Variants in DIP2C observed in about 807,000 individuals in gnomAD.
The protein encoded by DIP2C is disco-interacting protein 2 homolog C.
Under a neutral mutation model 192.4 loss-of-function variants are expected in DIP2C, and 33 were observed. The ratio of observed to expected loss-of-function variants is 0.17; its 90% CI spans 0.13 to 0.23. DIP2C has a LOEUF of 0.23. Among genes scored for constraint, DIP2C ranks in the 10% least tolerant of loss-of-function variants. The pLI, the probability that DIP2C is intolerant of heterozygous loss-of-function variation, is 1.00. For synonymous variants in DIP2C, 979 were observed against 864.1 expected (o/e 1.13, Z -2.33); for missense variants, 1,537 against 2,110.1 (o/e 0.73, Z 5.32).
At chr10:559,043 G>C (rs1849056640) in intron 1 of DIP2C, among the ~76,000 whole-genome samples, 1 of 152,158 alleles carries the variant, frequency 6.6e-6, no homozygotes, top group African/African-American at 2.4e-5. Flanking sequence ...GGTTTTCAAG[G>C]TCTTGCAAGT....
intron 1 of DIP2C, among the ~76,000 whole-genome samples, chr10:619,272 AAAC>A (rs1412248093): frequency 6.6e-6 from 1 of 152,194 alleles, no homozygotes; most frequent in African/African-American, 2.4e-5. Flanking sequence ...TTAGTGCCCC[AAAC>A]AACACGAACT....
At chr10:439,375 G>A (rs7068861) in intron 4 of DIP2C, among the ~76,000 whole-genome samples, 22 of 115,870 alleles carry the variant, frequency 1.9e-4, no homozygotes, top group African/African-American at 1.1e-3. Context: ...TCTCTTGCCC[G>A]CTGGCACTGT....
rs41285617 is a variant in DIP2C at position 275,677 on chromosome 10, C to T, written c.*1648G>A. ...CACCGAGAGCCACTGCGGGGTCACA[C>T]TGGGGCAGTTACAGAACACATCTTT... On this transcript the variant is annotated 3_prime_UTR_variant, in exon 37 of 37. Transcript: ENST00000280886. 3,768 of 152,198 alleles carry T rather than the reference C, an allele frequency of 0.025. 67 individuals carry two copies. Among genetic ancestry groups the T allele is most frequent in the Non-Finnish European group, 0.038 (2,615 of 68,018 alleles). The allele number at this position is 152,198 out of a possible 1,614,324, so 9.4% of individuals were successfully genotyped here.
intron 29 of DIP2C, among the ~76,000 whole-genome samples, chr10:330,978 ATTTTTT>A (rs34830576): frequency 2.0e-5 from 2 of 100,348 alleles, no homozygotes; most frequent in African/African-American, 7.5e-5. Context: ...TGCCTGGCTA[ATTTTTT>A]TTTTTTTTTT....
intron 3 of DIP2C, among the ~76,000 whole-genome samples, chr10:459,606 CCACAG>C: frequency 6.7e-6 from 1 of 149,424 alleles, no homozygotes; most frequent in South Asian, 2.1e-4. Flanking sequence ...CTAGGATCTT[CCACAG>C]CCACATCAGG....
At position 651,710 on chromosome 10, in the gene DIP2C, T is replaced by C. The variant is rs147311333; in HGVS notation, c.85+37784A>G. The C allele has an allele frequency of 2.9e-3, 1,006 of 348,118 alleles. 12 individuals are homozygous for C. The highest frequency in any genetic ancestry group is 0.02 in the African/African-American group (934 of 46,678). The allele number at this position is 348,118 out of a possible 1,614,324, so 21.6% of individuals were successfully genotyped here. ...CAAAATCTGGACTTTTGCTAAATGGTGCCCTTAGCACAGGAGTCTCTCCAA... is the reference window on the plus strand; with the variant it reads ...CAAAATCTGGACTTTTGCTAAATGGCGCCCTTAGCACAGGAGTCTCTCCAA... On this transcript the variant is annotated intron_variant, in intron 1 of 36. Transcript: ENST00000280886. This position sits in a 1 kb window ranked among gnomAD's most constrained non-coding sequence, Gnocchi z 4.1.
intron 1 of DIP2C, among the ~76,000 whole-genome samples, chr10:532,716 GGT>G (rs1199479601): frequency 9.3e-6 from 1 of 107,110 alleles, no homozygotes; most frequent in Non-Finnish European, 2.2e-5. Flanking sequence ...AGAGAGTATG[GGT>G]GTGAGAGAGA....
At chr10:467,502 G>A (rs1357959856) in intron 3 of DIP2C, among the ~76,000 whole-genome samples, 1 of 140,758 alleles carries the variant, frequency 7.1e-6, no homozygotes, top group African/African-American at 2.7e-5. Context: ...TGCACAATGT[G>A]CACATGTACC....
intron 31 of DIP2C, among the ~76,000 whole-genome samples, 161 bp downstream of exon 31, chr10:326,845 T>A (rs900187238): frequency 1.3e-5 from 2 of 152,022 alleles, no homozygotes; most frequent in African/African-American, 4.8e-5. Flanking sequence ...GACTGTAGTT[T>A]AAAGAAACAG....
intron 1 of DIP2C, among the ~76,000 whole-genome samples, chr10:563,892 C>T (rs1047070016): frequency 1.8e-4 from 27 of 152,178 alleles, no homozygotes; most frequent in African/African-American, 6.0e-4. Flanking sequence ...TTCCTTAGTT[C>T]TTAATGTGTC....
At chr10:448,466 C>G (rs1195797418) in intron 3 of DIP2C, among the ~76,000 whole-genome samples, 3 of 134,274 alleles carry the variant, frequency 2.2e-5, no homozygotes, top group Admixed American at 7.5e-5. Context: ...ACCCACTCAT[C>G]CCCGTCTATA....
intron 3 of DIP2C, among the ~76,000 whole-genome samples, chr10:446,147 C>T (rs969348221): frequency 1.4e-5 from 2 of 141,682 alleles, no homozygotes; most frequent in South Asian, 2.3e-4. Flanking sequence ...AGAGTCTCAC[C>T]GTTCACTAGG....
At chr10:547,786 G>A (rs1324609653) in intron 1 of DIP2C, among the ~76,000 whole-genome samples, 3 of 152,032 alleles carry the variant, frequency 2.0e-5, no homozygotes, top group East Asian at 1.9e-4. Context: ...TCTCAGTCAC[G>A]TCCCCTCTCT....
At chr10:607,045 C>A (rs2131735636) in intron 1 of DIP2C, among the ~76,000 whole-genome samples, 1 of 152,316 alleles carries the variant, frequency 6.6e-6, no homozygotes, top group South Asian at 2.1e-4. Context: ...ATCTGTGTCC[C>A]GTGGCCCTTA....
chr10:278,562 C>T lies in DIP2C; in HGVS notation c.4419-985G>A, dbSNP rs896551433. 3.0e-4 allele frequency among the ~76,000 whole-genome samples: 46 copies of T among 152,354 alleles called. 1 individual carries two copies. In the Middle Eastern group the frequency reaches 0.014, roughly 45 times the overall value. ...GCCCCAGCTGAGCCAGCCCCTTGAA[C>T]GCAGATGTGGGGACATTGTAACAAC... On this transcript the variant is annotated intron_variant, in intron 36 of 36. Transcript: ENST00000280886.
At chr10:422,105 G>C (rs990813279) in intron 5 of DIP2C, among the ~76,000 whole-genome samples, 1 of 152,144 alleles carries the variant, frequency 6.6e-6, no homozygotes, top group Non-Finnish European at 1.5e-5. Context: ...CCCGTGGCTC[G>C]AGCTCCGTTA....
intron 1 of DIP2C, among the ~76,000 whole-genome samples, chr10:587,136 G>A (rs182378741): frequency 6.6e-6 from 1 of 150,502 alleles, no homozygotes; most frequent in East Asian, 2.0e-4. Flanking sequence ...ACAGTGCAGG[G>A]TCTAAGGCCG....
intron 1 of DIP2C, among the ~76,000 whole-genome samples, chr10:657,984 GCTGGACCTGCCACTGGACCTGACC>G (rs1856493580): frequency 1.6e-5 from 2 of 128,418 alleles, no homozygotes; most frequent in African/African-American, 3.0e-5. Context: ...TGGACCTGCC[GCTGGACCTGCCACTGGACCTGACC>G]CTGGACCTGC....
chr10:676,748 CCT>C lies in DIP2C; in HGVS notation c.85+12744_85+12745del, dbSNP rs150022311. Among the ~76,000 whole-genome samples the C allele has an allele frequency of 2.3e-3, 342 of 151,986 alleles. 1 individual carries two copies. Among genetic ancestry groups the C allele is most frequent in the African/African-American group, 7.5e-3 (311 of 41,446 alleles). On this transcript the variant is annotated intron_variant, in intron 1 of 36. Transcript: ENST00000280886. ...CTCTATGAGGAAAATAATATTCTAC[CCT>C]CTGAGGGTAGAATAGTGGATTCTAG...
Sources: allele counts gnomAD v4.1 joint callset (sites outside exome capture counted in the v4.1 genomes callset), GRCh38; gene constraint gnomAD v4.1.1; non-coding constraint Gnocchi (gnomAD v3.1); transcripts MANE v1.5; gene names NCBI Gene and HGNC (gene_info 2026-07-23, HGNC 2026-07-21).